EZR: variants seen among roughly 807,000 people sequenced by gnomAD.
EZR encodes cytovillin 2.
Under a neutral mutation model 74.8 loss-of-function variants are expected in EZR, and 40 were observed. That is an observed-to-expected ratio of 0.53 (90% CI 0.42 to 0.70). EZR has a LOEUF of 0.70. Ranked by LOEUF, EZR falls within the 30% of genes least tolerant of loss-of-function variation. The pLI is 0.00. For synonymous variants in EZR, 341 were observed against 283.3 expected, an observed-to-expected ratio of 1.20 and a Z score of -2.05; for missense variants, 678 against 755.8, an observed-to-expected ratio of 0.90 and a Z score of 1.21.
At chr6:158,811,572 CATT>C (rs1777451534) in intron 2 of EZR, among the ~76,000 whole-genome samples, 1 of 152,162 alleles carries the variant, frequency 6.6e-6, no homozygotes, top group Admixed American at 6.6e-5. Flanking sequence ...TTAGAAATCA[CATT>C]ATCAGCCAGG....
chr6:158,810,677 A>G (rs1777434972), intron 2 of EZR, among the ~76,000 whole-genome samples: 1 of 152,200 alleles, frequency 6.6e-6, no homozygotes, highest in Non-Finnish European at 1.5e-5. Context: ...AACTGTTCAT[A>G]TTGCTTTTTC....
At chr6:158,803,586 T>TAC (rs1562504573) in intron 2 of EZR, among the ~76,000 whole-genome samples, 1 of 13,076 alleles carries the variant, frequency 7.6e-5, no homozygotes, top group Non-Finnish European at 1.4e-4. Flanking sequence ...TATATACATA[T>TAC]ATATATATAT....
Position 158,766,837 on chromosome 6 carries a change from G to A in EZR, c.*77C>T, listed in dbSNP as rs1001669322. The A allele has an allele frequency of 2.8e-5, 38 of 1,347,128 alleles. No individual in the cohort carries two copies. Among genetic ancestry groups the A allele is most frequent in the Non-Finnish European group, 3.7e-5 (36 of 969,788 alleles). The allele number at this position is 1,347,128 out of a possible 1,614,324, so 83.4% of individuals were successfully genotyped here. ...ATCTGAGGGAGTTCCTAGACTTGGA[G>A]CACTAAAGACACAAGCGTGGCGGGG... On this transcript the variant is annotated 3_prime_UTR_variant, in exon 14 of 14. Transcript: ENST00000367075.
intron 2 of EZR, among the ~76,000 whole-genome samples, chr6:158,790,686 C>CAA (rs148357534): frequency 0.14 from 15,559 of 113,074 alleles, 859 homozygotes; most frequent in Non-Finnish European, 0.18. Context: ...AACAAACAAA[C>CAA]AAAAAAAACC....
chr6:158,791,971 G>A (rs1046896157), intron 2 of EZR, among the ~76,000 whole-genome samples: 21 of 150,908 alleles, frequency 1.4e-4, no homozygotes, highest in African/African-American at 5.1e-4. Context: ...GCCTCCCAAA[G>A]TGCTGGGATT....
chr6:158,811,588 T>C (rs1048648842), intron 2 of EZR, among the ~76,000 whole-genome samples: 5 of 152,244 alleles, frequency 3.3e-5, no homozygotes, highest in Non-Finnish European at 7.3e-5. Context: ...CAGCCAGGCA[T>C]GGTGGCTCAC....
chr6:158,770,035 C>A (rs1181201566), intron 10 of EZR, 91 bp from the exon 11 acceptor site: 2 of 1,530,938 alleles, frequency 1.3e-6, no homozygotes, highest in Non-Finnish European at 1.8e-6. Flanking sequence ...AGCCACAGAG[C>A]CCTAGACCAA....
chr6:158,773,885 C>G (rs927500661), intron 8 of EZR, among the ~76,000 whole-genome samples: 17 of 152,244 alleles, frequency 1.1e-4, no homozygotes, highest in Non-Finnish European at 1.9e-4. Flanking sequence ...CGCCTCAGCC[C>G]CTCATAGTGT....
intron 2 of EZR, among the ~76,000 whole-genome samples, chr6:158,798,981 T>A (rs1777132922): frequency 6.6e-6 from 1 of 152,188 alleles, no homozygotes; most frequent in Non-Finnish European, 1.5e-5. Flanking sequence ...AAAATTTGTT[T>A]TGTTATAACT....
chr6:158,789,797 T>G (rs567774723), intron 2 of EZR, among the ~76,000 whole-genome samples: 35 of 152,328 alleles, frequency 2.3e-4, no homozygotes, highest in African/African-American at 8.4e-4. Context: ...GTTTTTTACT[T>G]TTTGTAGAGA....
In EZR at chr6:158,784,755, C is replaced by T. The variant is rs780953809; in HGVS notation, c.468-28G>A. On this transcript the variant is annotated intron_variant, in intron 5 of 13. Coordinates refer to ENST00000367075, the MANE Select transcript of EZR (RefSeq NM_001111077.2). ...GGAATGCAAAAGGAAACAGCACTGTCATCCTTAAGGAATGTGACAGGCAAG... is the reference window on the plus strand; with the variant it reads ...GGAATGCAAAAGGAAACAGCACTGTTATCCTTAAGGAATGTGACAGGCAAG... The T allele has an allele frequency of 5.0e-6, 8 of 1,602,256 alleles. No homozygotes were observed. In the South Asian group the frequency reaches 7.7e-5, roughly 15 times the overall value.
chr6:158,784,594 C>G (rs1026474088), intron 6 of EZR, 50 bp downstream of exon 6: 12 of 1,505,414 alleles, frequency 8.0e-6, no homozygotes, highest in Non-Finnish European at 1.1e-5. Context: ...AAAAGACATG[C>G]TGGAGCGCAC....
intron 12 of EZR, 94 bp downstream of exon 12, chr6:158,769,232 T>TC (rs1791017019): frequency 3.8e-6 from 4 of 1,041,588 alleles, no homozygotes; most frequent in Admixed American, 2.0e-5. Context: ...GCCAGACCTC[T>TC]CCCCCAACCC....
At chr6:158,786,298 C>T (rs1268993345) in intron 4 of EZR, among the ~76,000 whole-genome samples, 2 of 152,044 alleles carry the variant, frequency 1.3e-5, no homozygotes, top group South Asian at 2.1e-4. Context: ...CACTTGAACC[C>T]AGGAGGTGGA....
chr6:158,816,145 T>C (rs1777548569), intron 2 of EZR, among the ~76,000 whole-genome samples: 1 of 152,086 alleles, frequency 6.6e-6, no homozygotes. Flanking sequence ...AGACAGAAAG[T>C]AGAATGGTGG....
chr6:158,785,233 G>T, intron 5 of EZR, 76 bp downstream of exon 5: 1 of 1,559,322 alleles, frequency 6.4e-7, no homozygotes, highest in Non-Finnish European at 8.7e-7. Context: ...TTTAAACTGT[G>T]CTTCTAAGGC....
chr6:158,801,329 G>A (rs975881931), intron 2 of EZR, among the ~76,000 whole-genome samples: 10 of 152,288 alleles, frequency 6.6e-5, no homozygotes, highest in African/African-American at 2.4e-4. Flanking sequence ...TGCCAGCCAG[G>A]CTGGTCTTGA....
intron 7 of EZR, among the ~76,000 whole-genome samples, chr6:158,780,292 G>C (rs975301462): frequency 6.6e-6 from 1 of 151,736 alleles, no homozygotes; most frequent in African/African-American, 2.4e-5. Flanking sequence ...AGGCATATTT[G>C]TCAGAACTCA....
At chr6:158,810,359 A>T (rs571774522) in intron 2 of EZR, among the ~76,000 whole-genome samples, 1 of 152,272 alleles carries the variant, frequency 6.6e-6, no homozygotes, top group East Asian at 1.9e-4. Flanking sequence ...TACCCAAAGG[A>T]TCTTACCAGC....
Sources: gnomAD v4.1 joint callset for allele counts (sites outside exome capture counted in the v4.1 genomes callset) on GRCh38, gnomAD v4.1.1 for gene constraint, MANE v1.5 for transcripts, NCBI Gene and HGNC (gene_info 2026-07-23, HGNC 2026-07-21) for gene names.